LSAMP: variants seen among roughly 807,000 people sequenced by gnomAD.
LSAMP encodes the protein limbic system associated membrane protein, also known as limbic system-associated membrane protein.
In LSAMP, 7 loss-of-function variants were observed where a neutral mutation model predicts 38.6. The ratio of observed to expected loss-of-function variants is 0.18; its 90% CI spans 0.10 to 0.34. The LOEUF is 0.34. Ranked by LOEUF, LSAMP falls within the 10% of genes least tolerant of loss-of-function variation. The pLI, the probability that LSAMP is intolerant of heterozygous loss-of-function variation, is 1.00. For missense variants in LSAMP, 313 were observed against 420.0 expected (o/e 0.75, Z 2.23); for synonymous variants, 154 against 166.8 (o/e 0.92, Z 0.59).
chr3:116,172,535 T>C (rs1710227144), intron 1 of LSAMP, among the ~76,000 whole-genome samples: 1 of 151,984 alleles, frequency 6.6e-6, no homozygotes, highest in Non-Finnish European at 1.5e-5. Context: ...AAAAATGCAG[T>C]AGGGACAAAG....
chr3:116,305,828 G>A (rs1447778171), intron 1 of LSAMP, among the ~76,000 whole-genome samples: 4 of 151,694 alleles, frequency 2.6e-5, no homozygotes, highest in African/African-American at 9.7e-5. Flanking sequence ...ATAGATTGAA[G>A]TGTGACACAA....
intron 1 of LSAMP, among the ~76,000 whole-genome samples, chr3:116,397,644 T>A (rs1180227070): frequency 6.6e-6 from 1 of 152,130 alleles, no homozygotes; most frequent in East Asian, 1.9e-4. Context: ...TTTCAACGAA[T>A]GCACAAATGA....
At chr3:115,837,306 T>C (rs7634792) in intron 6 of LSAMP, among the ~76,000 whole-genome samples, 18,200 of 148,228 alleles carry the variant, frequency 0.12, 2,079 homozygotes, top group African/African-American at 0.31. Context: ...TTTTTTTTTG[T>C]ATTTTTATTC....
chr3:116,182,629 T>C (rs971820629), intron 1 of LSAMP, among the ~76,000 whole-genome samples: 1 of 151,720 alleles, frequency 6.6e-6, no homozygotes, highest in African/African-American at 2.4e-5. Flanking sequence ...AGAGAAAATC[T>C]TTCCTAATAT....
intron 1 of LSAMP, among the ~76,000 whole-genome samples, chr3:116,326,999 G>C (rs1186173578): frequency 6.6e-6 from 1 of 152,164 alleles, no homozygotes; most frequent in South Asian, 2.1e-4. Flanking sequence ...GGAGACCATA[G>C]CTGAGAGGAG....
intron 2 of LSAMP, among the ~76,000 whole-genome samples, chr3:116,054,364 G>A (rs1361602022): frequency 6.6e-6 from 1 of 152,094 alleles, no homozygotes; most frequent in African/African-American, 2.4e-5. Flanking sequence ...GCCTTTCAAG[G>A]TAACATAGTC....
intron 1 of LSAMP, among the ~76,000 whole-genome samples, chr3:116,098,225 G>A (rs962035793): frequency 2.0e-5 from 3 of 152,008 alleles, no homozygotes; most frequent in Non-Finnish European, 4.4e-5. Context: ...GAGCCCGGGC[G>A]CAGTGGCTCA....
At chr3:116,110,280 G>A (rs1220929280) in intron 1 of LSAMP, among the ~76,000 whole-genome samples, 1 of 151,952 alleles carries the variant, frequency 6.6e-6, no homozygotes, top group Non-Finnish European at 1.5e-5. Flanking sequence ...GAAAAGCAGA[G>A]AAGGGGTAGA....
At chr3:116,356,265 GTC>G (rs1268114589) in intron 1 of LSAMP, among the ~76,000 whole-genome samples, 1 of 152,160 alleles carries the variant, frequency 6.6e-6, no homozygotes, top group Non-Finnish European at 1.5e-5. Context: ...AAGAAATCCT[GTC>G]TCTGTAACAA....
chr3:116,129,053 A>G (rs570352838), intron 1 of LSAMP, among the ~76,000 whole-genome samples: 2 of 152,216 alleles, frequency 1.3e-5, no homozygotes, highest in Non-Finnish European at 2.9e-5. Context: ...GCATGGTATG[A>G]CAAGAGTATG....
At chr3:116,321,171 T>C (rs2047701134) in intron 1 of LSAMP, among the ~76,000 whole-genome samples, 1 of 152,092 alleles carries the variant, frequency 6.6e-6, no homozygotes, top group Non-Finnish European at 1.5e-5. Flanking sequence ...GAGTTCAAGA[T>C]CAGCCTGGGC....
intron 3 of LSAMP, among the ~76,000 whole-genome samples, chr3:115,900,108 A>G (rs1311618738): frequency 6.6e-6 from 1 of 152,204 alleles, no homozygotes; most frequent in African/African-American, 2.4e-5. Context: ...TACATTCAAT[A>G]CATCAGAGAA....
At chr3:115,823,380 C>T (rs1055240520) in intron 6 of LSAMP, among the ~76,000 whole-genome samples, 3 of 152,180 alleles carry the variant, frequency 2.0e-5, no homozygotes, top group Non-Finnish European at 2.9e-5. Flanking sequence ...AGAAACATGC[C>T]CAGCTTCTGA....
intron 3 of LSAMP, among the ~76,000 whole-genome samples, chr3:115,943,254 A>C (rs1937988906): frequency 6.6e-6 from 1 of 152,078 alleles, no homozygotes; most frequent in South Asian, 2.1e-4. Flanking sequence ...GGGCTGAGTT[A>C]CTTTATGGGT....
At chr3:116,203,713 C>T (rs563715176) in intron 1 of LSAMP, among the ~76,000 whole-genome samples, 198 of 151,996 alleles carry the variant, frequency 1.3e-3, no homozygotes, top group African/African-American at 4.5e-3. Flanking sequence ...ATCCATGTCC[C>T]TACAAAGGAC....
At position 116,093,802 on chromosome 3, in the gene LSAMP, G is replaced by C. The variant is rs1041467390; in HGVS notation, c.156-7246C>G. On this transcript the variant is annotated intron_variant, in intron 1 of 6. Transcript: ENST00000490035. ...GAAAGATTCAAGATGTGGATGGGAA[G>C]GATGTCTTCAAGAATGTTATTTTGA... 5.3e-5 allele frequency among the ~76,000 whole-genome samples: 8 copies of C among 152,148 alleles called. No homozygotes were observed. The South Asian group carries it at 6.2e-4, about 12-fold the overall frequency.
At chr3:116,406,323 T>C (rs1245374538) in intron 1 of LSAMP, among the ~76,000 whole-genome samples, 1 of 152,034 alleles carries the variant, frequency 6.6e-6, no homozygotes. Flanking sequence ...ACCATAGATA[T>C]AGGTTAAAGT....
chr3:116,097,241 T>C (rs551877248), intron 1 of LSAMP, among the ~76,000 whole-genome samples: 10 of 152,330 alleles, frequency 6.6e-5, no homozygotes, highest in Admixed American at 5.9e-4. Context: ...GTCTTTTCCA[T>C]GTAGGGTTTA....
At chr3:116,379,906 A>G (rs905673212) in intron 1 of LSAMP, among the ~76,000 whole-genome samples, 1 of 152,080 alleles carries the variant, frequency 6.6e-6, no homozygotes, top group African/African-American at 2.4e-5. Flanking sequence ...TTTCACTCAG[A>G]TCGCTTCTGT....
Sources: allele counts gnomAD v4.1 joint callset (sites outside exome capture counted in the v4.1 genomes callset), GRCh38; gene constraint gnomAD v4.1.1; transcripts MANE v1.5; gene names NCBI Gene and HGNC (gene_info 2026-07-23, HGNC 2026-07-21).